Variants in ROBO1 observed in about 807,000 individuals in gnomAD.
ROBO1 encodes the protein roundabout guidance receptor 1.
A neutral mutation model predicts 195.9 loss-of-function variants in ROBO1; 149 were observed. The observed-to-expected ratio is 0.76, with a 90% CI of 0.67 to 0.87. The LOEUF is 0.87. Among genes scored for constraint, ROBO1 ranks in the 40% least tolerant of loss-of-function variants. ROBO1 has a pLI of 0.00. For missense variants in ROBO1, 1,933 were observed against 2,068.3 expected (o/e 0.93, Z 1.27); for synonymous variants, 816 against 733.2 (o/e 1.11, Z -1.82).
chr3:79,166,567 T>TTTTTTTTC (rs540013589), intron 2 of ROBO1, among the ~76,000 whole-genome samples: 1 of 149,772 alleles, frequency 6.7e-6, no homozygotes, highest in African/African-American at 2.5e-5. Context: ...TTTCTTTTTT[T>TTTTTTTTC]TTTTTTTTTT....
intron 4 of ROBO1, among the ~76,000 whole-genome samples, chr3:78,765,385 A>C (rs414996): frequency 6.6e-6 from 1 of 151,860 alleles, no homozygotes; most frequent in African/African-American, 2.4e-5. Context: ...ATATAGAAAC[A>C]TAAAATTTAT....
At chr3:79,631,868 T>G (rs527960659) in intron 1 of ROBO1, among the ~76,000 whole-genome samples, 9 of 151,906 alleles carry the variant, frequency 5.9e-5, no homozygotes, top group Non-Finnish European at 1.3e-4. Flanking sequence ...AAAATACATA[T>G]GAAAAAATGC....
chr3:79,598,823 A>G (rs1358891381), intron 1 of ROBO1, among the ~76,000 whole-genome samples: 2 of 152,004 alleles, frequency 1.3e-5, no homozygotes, highest in African/African-American at 4.8e-5. Flanking sequence ...CATTGCAGCA[A>G]CTCATAACAA....
chr3:79,328,242 C>A (rs1353530265), intron 2 of ROBO1, among the ~76,000 whole-genome samples: 1 of 152,096 alleles, frequency 6.6e-6, no homozygotes, highest in Non-Finnish European at 1.5e-5. Context: ...ATCATTAAAA[C>A]AGAGCCAGCT....
chr3:79,632,441 C>T (rs1368213171), intron 1 of ROBO1, among the ~76,000 whole-genome samples: 16 of 152,020 alleles, frequency 1.1e-4, no homozygotes, highest in African/African-American at 3.9e-4. Flanking sequence ...CACATCGACA[C>T]ACAGAAAAAT....
chr3:79,612,145 C>A (rs1944679272), intron 1 of ROBO1, among the ~76,000 whole-genome samples: 1 of 150,410 alleles, frequency 6.6e-6, no homozygotes, highest in African/African-American at 2.5e-5. Context: ...CGTCATCTAG[C>A]ATTAGGTATA....
intron 2 of ROBO1, among the ~76,000 whole-genome samples, chr3:79,522,065 CAG>C (rs1941232082): frequency 6.6e-6 from 1 of 152,152 alleles, no homozygotes; most frequent in African/African-American, 2.4e-5. Flanking sequence ...AACAACAAAA[CAG>C]ATTCAGTATG....
At chr3:78,918,816 A>G (rs979411387) in intron 4 of ROBO1, among the ~76,000 whole-genome samples, 2 of 152,124 alleles carry the variant, frequency 1.3e-5, no homozygotes, top group African/African-American at 4.8e-5. Flanking sequence ...ACTCACAGAT[A>G]CTCATAGCCC....
chr3:79,679,730 C>T (rs992665603), intron 1 of ROBO1, among the ~76,000 whole-genome samples: 3 of 151,676 alleles, frequency 2.0e-5, no homozygotes, highest in Admixed American at 1.3e-4. Context: ...AGAGTGAGAA[C>T]AAAATTGCAT....
At chr3:78,808,266 G>A (rs938859527) in intron 4 of ROBO1, among the ~76,000 whole-genome samples, 1 of 152,080 alleles carries the variant, frequency 6.6e-6, no homozygotes, top group South Asian at 2.1e-4. Context: ...GTGTGGTGGT[G>A]CAATCTCGGC....
At chr3:79,223,863 G>T (rs530026084) in intron 2 of ROBO1, among the ~76,000 whole-genome samples, 1 of 152,264 alleles carries the variant, frequency 6.6e-6, no homozygotes, top group East Asian at 1.9e-4. Context: ...AAAATACTGA[G>T]ATTGTCTAGT....
chr3:78,982,358 C>T (rs924791640), intron 3 of ROBO1, among the ~76,000 whole-genome samples: 1 of 152,114 alleles, frequency 6.6e-6, no homozygotes, highest in Admixed American at 6.5e-5. Context: ...GTTAATCCAT[C>T]CATTGTCAGT....
At chr3:79,243,703 T>G (rs982741000) in intron 2 of ROBO1, among the ~76,000 whole-genome samples, 7 of 152,218 alleles carry the variant, frequency 4.6e-5, no homozygotes, top group African/African-American at 1.7e-4. Flanking sequence ...TAAATTTGTT[T>G]GAGTTCATCG....
intron 4 of ROBO1, among the ~76,000 whole-genome samples, chr3:78,887,979 T>C (rs1174927095): frequency 6.6e-6 from 1 of 152,188 alleles, no homozygotes; most frequent in Non-Finnish European, 1.5e-5. Context: ...AGAAAGCATT[T>C]GTGAGTTTAA....
At chr3:78,830,964 G>A (rs924688145) in intron 4 of ROBO1, among the ~76,000 whole-genome samples, 7 of 152,048 alleles carry the variant, frequency 4.6e-5, no homozygotes, top group African/African-American at 1.7e-4. Context: ...CCAGGCTGGA[G>A]TGCAATGGCA....
intron 8 of ROBO1, among the ~76,000 whole-genome samples, chr3:78,699,325 G>C (rs2081367182): frequency 6.8e-6 from 1 of 147,028 alleles, no homozygotes; most frequent in African/African-American, 2.5e-5. Context: ...GAGGCAGGTG[G>C]ATCACTTTGA....
intron 2 of ROBO1, among the ~76,000 whole-genome samples, chr3:79,556,924 CTTTA>C (rs1942721346): frequency 6.6e-6 from 1 of 150,546 alleles, no homozygotes; most frequent in South Asian, 2.1e-4. Flanking sequence ...AAATTTTTTA[CTTTA>C]TTTTTATTTT....
chr3:79,188,548 G>GCACA (rs148120880), intron 2 of ROBO1, among the ~76,000 whole-genome samples: 4 of 149,770 alleles, frequency 2.7e-5, no homozygotes, highest in Non-Finnish European at 4.5e-5. Context: ...CTTTGCACAC[G>GCACA]CACACACACA....
chr3:79,230,200 A>G (rs1341882665), intron 2 of ROBO1, among the ~76,000 whole-genome samples: 1 of 152,110 alleles, frequency 6.6e-6, no homozygotes, highest in Admixed American at 6.6e-5. Context: ...TTAATAACCT[A>G]CTAAAGCCCA....
Sources: allele counts gnomAD v4.1 joint callset (sites outside exome capture counted in the v4.1 genomes callset), GRCh38; gene constraint gnomAD v4.1.1; transcripts MANE v1.5; gene names NCBI Gene and HGNC (gene_info 2026-07-23, HGNC 2026-07-21).